KANSL1: variants seen among roughly 807,000 people sequenced by gnomAD.
The protein encoded by KANSL1 is KAT8 regulatory NSL complex subunit 1.
Under a neutral mutation model 103.6 loss-of-function variants are expected in KANSL1, and 22 were observed. That is an observed-to-expected ratio of 0.21 (90% CI 0.15 to 0.30). The LOEUF (loss-of-function observed/expected upper bound fraction) is 0.30. Among genes scored for constraint, KANSL1 ranks in the 10% least tolerant of loss-of-function variants. The probability of loss-of-function intolerance (pLI) is 1.00; values close to 1 mark genes in which losing one functional copy is unlikely to be tolerated. For synonymous variants in KANSL1, 600 were observed against 527.6 expected (o/e 1.14, Z -1.88); for missense variants, 1,337 against 1,399.8 (o/e 0.96, Z 0.72).
Position 46,171,536 on chromosome 17 carries a change from C to T in KANSL1, c.608G>A (p.Gly203Glu), listed in dbSNP as rs759522694. The change falls in exon 2 of 15, where the codon GGG (glycine) becomes GAG (glutamate). Residue 203 changes from glycine (G) to glutamate (E), a missense_variant. Transcript: ENST00000432791. ...TGGAAGAGTGCAATTGGTCATACCC[C>T]CCTTCAAGTCCCCAGATTCAGATCC... is the stretch of plus-strand genomic sequence containing the variant. ...MGGSESGDLK[G>E]GMTNCTLPHR... is the part of the protein sequence containing the mutation. 2 of 1,612,434 alleles carry T rather than the reference C, an allele frequency of 1.2e-6. No individual in the cohort carries two copies. Among genetic ancestry groups the T allele is most frequent in the Admixed American group, 1.7e-5 (1 of 59,746 alleles).
At chr17:46,185,140 T>C (rs2046960160) in intron 1 of KANSL1, among the ~76,000 whole-genome samples, 2 of 152,216 alleles carry the variant, frequency 1.3e-5, no homozygotes, top group Admixed American at 1.3e-4. Flanking sequence ...TATGTACTTC[T>C]TAAAAAAGGA....
At chr17:46,100,377 C>T (rs1437445451) in intron 2 of KANSL1, among the ~76,000 whole-genome samples, 3 of 148,062 alleles carry the variant, frequency 2.0e-5, no homozygotes, top group Non-Finnish European at 4.5e-5. Flanking sequence ...GTGACGGAGG[C>T]TGCCGTGGGC....
chr17:46,053,005 A>T (rs1162352179), intron 6 of KANSL1, among the ~76,000 whole-genome samples: 3 of 120,044 alleles, frequency 2.5e-5, no homozygotes, highest in Non-Finnish European at 5.0e-5. Flanking sequence ...AAAAAAAAAA[A>T]GGCTGCGCAT....
At chr17:46,039,639 G>A in intron 8 of KANSL1, 63 bp downstream of exon 8, 2 of 1,532,890 alleles carry the variant, frequency 1.3e-6, no homozygotes, top group Non-Finnish European at 8.8e-7. Flanking sequence ...ACAAATTTGA[G>A]AATATAAAAG....
intron 2 of KANSL1, among the ~76,000 whole-genome samples, chr17:46,127,193 C>T (rs1263451616): frequency 2.0e-5 from 3 of 152,108 alleles, no homozygotes; most frequent in African/African-American, 7.2e-5. Flanking sequence ...GATAAGAAGC[C>T]CAAGCACAGC....
chr17:46,203,584 T>C (rs1015245698), intron 1 of KANSL1, among the ~76,000 whole-genome samples: 1 of 152,240 alleles, frequency 6.6e-6, no homozygotes, highest in Non-Finnish European at 1.5e-5. Context: ...TTTCTACTCA[T>C]TGATACGTTA....
Position 46,032,288 on chromosome 17 carries a change from G to A in KANSL1, c.2849C>T (p.Ser950Leu), listed in dbSNP as rs2077033414. The A allele has an allele frequency of 6.6e-7, 1 of 1,518,348 alleles. No homozygotes were observed. The highest frequency in any genetic ancestry group is 2.3e-5 in the East Asian group (1 of 43,788). 94.1% of individuals were successfully genotyped at this position (1,518,348 alleles called of 1,614,324 possible). Residue 950 changes from serine (S) to leucine (L), a missense_variant, in exon 14 of 15, where the codon TCA becomes TTA. This residue lies in a region of KANSL1 where 780 missense variants were observed against 923.4 expected (regional missense o/e 0.84). Coordinates refer to ENST00000432791, the MANE Select transcript of KANSL1 (RefSeq NM_015443.4). ...CTGGGGGGTTGTCCGGCCGTCTGAT[G>A]ACCTGTAGGACCTGCACACCAAGGA... ...PQRRGSRSYR[S>L]SDGRTTPQLG...
chr17:46,134,366 C>T (rs999716015), intron 2 of KANSL1, among the ~76,000 whole-genome samples: 2 of 152,078 alleles, frequency 1.3e-5, no homozygotes, highest in Admixed American at 6.6e-5. Flanking sequence ...CACTGCACTA[C>T]AGCCTGGGCA....
intron 4 of KANSL1, among the ~76,000 whole-genome samples, chr17:46,080,863 T>C (rs2078965321): frequency 6.6e-6 from 1 of 152,170 alleles, no homozygotes; most frequent in Admixed American, 6.6e-5. Flanking sequence ...GTTTTCATTA[T>C]TTATTTTACT....
At chr17:46,182,909 AAGTC>A (rs112695561) in intron 1 of KANSL1, among the ~76,000 whole-genome samples, 112 of 152,354 alleles carry the variant, frequency 7.4e-4, no homozygotes, top group African/African-American at 2.6e-3. Flanking sequence ...CTTTAGAGGA[AAGTC>A]AGTCAAAGAA....
intron 3 of KANSL1, among the ~76,000 whole-genome samples, chr17:46,084,898 A>G (rs2079109209): frequency 6.6e-6 from 1 of 152,114 alleles, no homozygotes; most frequent in Non-Finnish European, 1.5e-5. Context: ...ATCCAAATAA[A>G]AACTATTTGC....
intron 4 of KANSL1, among the ~76,000 whole-genome samples, chr17:46,072,172 G>C (rs557403345): frequency 6.6e-6 from 1 of 152,180 alleles, no homozygotes; most frequent in Admixed American, 6.5e-5. Context: ...TACGGGGGTC[G>C]TTTTTTCTAG....
chr17:46,114,305 G>A (rs2042950349), intron 2 of KANSL1, among the ~76,000 whole-genome samples: 2 of 152,210 alleles, frequency 1.3e-5, no homozygotes, highest in South Asian at 4.1e-4. Flanking sequence ...GTTGCAGTGA[G>A]CCAAGATCGC....
At chr17:46,214,216 A>G (rs1271192253) in intron 1 of KANSL1, among the ~76,000 whole-genome samples, 1 of 152,270 alleles carries the variant, frequency 6.6e-6, no homozygotes, top group Non-Finnish European at 1.5e-5. Context: ...CACTTATCAG[A>G]CTGGGACCAA....
At chr17:46,143,923 A>G (rs1207150178) in intron 2 of KANSL1, among the ~76,000 whole-genome samples, 1 of 152,040 alleles carries the variant, frequency 6.6e-6, no homozygotes, top group African/African-American at 2.4e-5. Flanking sequence ...AAAATTATGG[A>G]GCTAGAACTT....
intron 1 of KANSL1, among the ~76,000 whole-genome samples, chr17:46,173,623 C>T (rs2046387750): frequency 1.3e-5 from 2 of 152,228 alleles, no homozygotes; most frequent in Non-Finnish European, 2.9e-5. Flanking sequence ...CTGCCTTTTA[C>T]ACTGTGTTGA....
intron 10 of KANSL1, among the ~76,000 whole-genome samples, chr17:46,036,451 A>G (rs1276507891): frequency 1.3e-5 from 2 of 152,200 alleles, no homozygotes; most frequent in African/African-American, 4.8e-5. Context: ...TGTACTGAAA[A>G]GGTACAGATT....
chr17:46,167,452 CAAG>C (rs1323929634), intron 2 of KANSL1, among the ~76,000 whole-genome samples: 1 of 152,190 alleles, frequency 6.6e-6, no homozygotes, highest in Non-Finnish European at 1.5e-5. Flanking sequence ...ATCCCATAAT[CAAG>C]GAGATAAAAT....
chr17:46,090,552 T>C (rs2079342906), intron 3 of KANSL1, among the ~76,000 whole-genome samples: 2 of 152,234 alleles, frequency 1.3e-5, no homozygotes, highest in Non-Finnish European at 2.9e-5. Context: ...AGCTCAGAAA[T>C]GTTAAGTGAC....
Sources: gnomAD v4.1 joint callset for allele counts (sites outside exome capture counted in the v4.1 genomes callset) on GRCh38, gnomAD v4.1.1 for gene constraint, gnomAD v4.1.1 regional missense constraint, MANE v1.5 for transcripts, NCBI Gene and HGNC (gene_info 2026-07-23, HGNC 2026-07-21) for gene names.